The following TFB1M variants were observed in gnomAD, a reference collection of about 807,000 sequenced individuals.
TFB1M encodes dimethyladenosine transferase 1, mitochondrial.
A neutral mutation model predicts 31.1 loss-of-function variants in TFB1M; 27 were observed. That is an observed-to-expected ratio of 0.87 (90% CI 0.64 to 1.20). The LOEUF is 1.20. TFB1M is among the 50% of genes most tolerant of loss of function. The pLI, the probability that TFB1M is intolerant of heterozygous loss-of-function variation, is 0.00. For synonymous variants in TFB1M, 166 were observed against 151.8 expected, an observed-to-expected ratio of 1.09 and a Z score of -0.69; for missense variants, 394 against 418.7, an observed-to-expected ratio of 0.94 and a Z score of 0.51.
intron 5 of TFB1M, chr6:155,276,137 A>G (rs1442827154): frequency 6.2e-7 from 1 of 1,614,092 alleles, no homozygotes; most frequent in Non-Finnish European, 8.5e-7. Context: ...AGTGTGGTAC[A>G]CAAAGGAGAT....
At chr6:155,251,578 T>G (rs1984028), downstream of TFB1M, among the ~76,000 whole-genome samples, 19,021 of 152,264 alleles carry the variant, frequency 0.12, 1,522 homozygotes, top group Non-Finnish European at 0.19. Flanking sequence ...TTAGCCACCG[T>G]GCCTGGCCAG....
the TFB1M span, chr6:155,240,657 G>A: frequency 1.9e-4 from 311 of 1,613,776 alleles, 1 homozygote; most frequent in East Asian, 2.4e-4. Context: ...GATGCAGACC[G>A]CCTCCGCAAA....
chr6:155,231,978 G>A, the TFB1M span, among the ~76,000 whole-genome samples: 1 of 152,236 alleles, frequency 6.6e-6, no homozygotes. Flanking sequence ...CTACGTGGGA[G>A]GCTGAGGCAG....
the TFB1M span, chr6:155,244,758 C>A: frequency 1.9e-6 from 3 of 1,613,142 alleles, no homozygotes; most frequent in African/African-American, 4.0e-5. Context: ...GACTTTAACA[C>A]CCTAGAAACC....
intron 4 of TFB1M, among the ~76,000 whole-genome samples, chr6:155,296,426 A>ATTTT (rs71023639): frequency 7.7e-5 from 8 of 103,454 alleles, no homozygotes; most frequent in African/African-American, 2.4e-4. Flanking sequence ...CACCCAGCTA[A>ATTTT]TTTTTTTTTT....
intron 5 of TFB1M, among the ~76,000 whole-genome samples, chr6:155,274,514 C>T (rs544759653): frequency 5.9e-5 from 9 of 152,328 alleles, no homozygotes; most frequent in African/African-American, 2.2e-4. Flanking sequence ...GATCTGCCAT[C>T]ACTACTTCTG....
chr6:155,249,699 G>C, the TFB1M span: 1 of 547,710 alleles, frequency 1.8e-6, no homozygotes, highest in South Asian at 2.7e-5. Context: ...GGGCTACAGT[G>C]GGCTGTTGTG....
chr6:155,290,145 A>G (rs981376380), intron 4 of TFB1M, among the ~76,000 whole-genome samples: 1 of 152,066 alleles, frequency 6.6e-6, no homozygotes, highest in African/African-American at 2.4e-5. Context: ...CCAGCACTTT[A>G]GGAGGCTGAG....
the TFB1M span, among the ~76,000 whole-genome samples, chr6:155,241,565 C>T: frequency 1.3e-5 from 2 of 152,172 alleles, no homozygotes; most frequent in Non-Finnish European, 2.9e-5. Context: ...TTGGCACACA[C>T]GTGCGGCTAT....
At chr6:155,309,535 T>C (rs1208084387) in intron 2 of TFB1M, among the ~76,000 whole-genome samples, 1 of 152,190 alleles carries the variant, frequency 6.6e-6, no homozygotes, top group Non-Finnish European at 1.5e-5. Flanking sequence ...TTCAACAATC[T>C]GCCTTCAAAG....
In TFB1M at chr6:155,306,843, G is replaced by T. The variant is rs544122775; in HGVS notation, c.285+4345C>A. On this transcript the variant is annotated intron_variant, in intron 2 of 6. Coordinates refer to ENST00000367166, the MANE Select transcript of TFB1M (RefSeq NM_016020.4). Reference sequence around the variant, plus strand: ...CATATATGTCAAAACTCAGTTAACTGGACGCGGTGGCTCTTGCCTGTAATC... The same window carrying T: ...CATATATGTCAAAACTCAGTTAACTTGACGCGGTGGCTCTTGCCTGTAATC... 2.6e-5 allele frequency among the ~76,000 whole-genome samples: 4 copies of T among 152,226 alleles called. No individual in the cohort carries two copies. In the East Asian group the frequency reaches 7.7e-4, roughly 29 times the overall value.
chr6:155,312,790 A>T (rs570301756), intron 1 of TFB1M, among the ~76,000 whole-genome samples: 1 of 152,196 alleles, frequency 6.6e-6, no homozygotes, highest in South Asian at 2.1e-4. Context: ...TATTTGAAGG[A>T]TTTTAAAAAA....
intron 5 of TFB1M, among the ~76,000 whole-genome samples, chr6:155,284,476 C>T (rs769922820): frequency 2.6e-5 from 4 of 152,136 alleles, no homozygotes; most frequent in Admixed American, 6.5e-5. Context: ...CCCCTTGCTA[C>T]CCAACGCATT....
chr6:155,262,156 T>C (rs560827765), intron 5 of TFB1M, among the ~76,000 whole-genome samples: 16 of 151,934 alleles, frequency 1.1e-4, no homozygotes, highest in Non-Finnish European at 1.8e-4. Context: ...ATGCAGGGTG[T>C]AGGTGGGGTA....
At chr6:155,296,560 G>A (rs1391846904) in intron 4 of TFB1M, among the ~76,000 whole-genome samples, 1 of 151,224 alleles carries the variant, frequency 6.6e-6, no homozygotes. Flanking sequence ...TTACAGGCAT[G>A]AGTCACCATG....
chr6:155,263,536 G>A (rs894747147), intron 5 of TFB1M, among the ~76,000 whole-genome samples: 3 of 152,204 alleles, frequency 2.0e-5, no homozygotes, highest in Non-Finnish European at 4.4e-5. Flanking sequence ...TAACAGGCCC[G>A]AGGCAGATGT....
the TFB1M span, among the ~76,000 whole-genome samples, chr6:155,242,329 C>T: frequency 1.2e-4 from 19 of 152,342 alleles, no homozygotes; most frequent in South Asian, 1.9e-3. Flanking sequence ...TTGTTGCTGA[C>T]GTTTAACACA....
At chr6:155,295,767 C>T (rs1311982730) in intron 4 of TFB1M, among the ~76,000 whole-genome samples, 1 of 152,078 alleles carries the variant, frequency 6.6e-6, no homozygotes, top group Non-Finnish European at 1.5e-5. Context: ...CAGATTTTTC[C>T]CTTATCATTA....
chr6:155,254,410 C>CA, downstream of TFB1M: 1 of 1,610,450 alleles, frequency 6.2e-7, no homozygotes, highest in African/African-American at 1.3e-5. Flanking sequence ...TCTCTCCCCC[C>CA]CCACCCAGTG....
Sources: gnomAD v4.1 joint callset for allele counts (sites outside exome capture counted in the v4.1 genomes callset) on GRCh38, gnomAD v4.1.1 for gene constraint, MANE v1.5 for transcripts, NCBI Gene and HGNC (gene_info 2026-07-23, HGNC 2026-07-21) for gene names.